Variants in INPP4B observed in about 807,000 individuals in gnomAD.
INPP4B encodes inositol polyphosphate 4-phosphatase type II.
Under a neutral mutation model 122.5 loss-of-function variants are expected in INPP4B, and 55 were observed. That is an observed-to-expected ratio of 0.45 (90% CI 0.36 to 0.56). The LOEUF is 0.56. Among genes scored for constraint, INPP4B ranks in the 20% least tolerant of loss-of-function variants. INPP4B has a pLI of 0.00. For missense variants in INPP4B, 1,000 were observed against 1,097.7 expected (o/e 0.91, Z 1.26); for synonymous variants, 403 against 388.7 (o/e 1.04, Z -0.43).
chr4:142,547,574 T>C (rs1366673182), intron 2 of INPP4B, among the ~76,000 whole-genome samples: 1 of 152,102 alleles, frequency 6.6e-6, no homozygotes, highest in Non-Finnish European at 1.5e-5. Flanking sequence ...AAATGGACCA[T>C]GGGAGGTCAG....
At chr4:142,044,814 T>G (rs1227429106) in intron 25 of INPP4B, among the ~76,000 whole-genome samples, 1 of 152,156 alleles carries the variant, frequency 6.6e-6, no homozygotes, top group East Asian at 1.9e-4. Flanking sequence ...AGCCATACAA[T>G]AGATAAGTTT....
intron 2 of INPP4B, among the ~76,000 whole-genome samples, chr4:142,667,062 A>G (rs1313400159): frequency 6.6e-6 from 1 of 152,164 alleles, no homozygotes; most frequent in Admixed American, 6.5e-5. Context: ...TGGCATTTGA[A>G]AGCCTAAATT....
At chr4:142,450,961 TTC>T (rs201753410) in intron 3 of INPP4B, among the ~76,000 whole-genome samples, 3,710 of 149,370 alleles carry the variant, frequency 0.025, 76 homozygotes, top group Non-Finnish European at 0.04. Flanking sequence ...TTATTCTTAA[TTC>T]TTAAAATTAA....
chr4:142,559,235 T>G (rs1729919659), intron 2 of INPP4B, among the ~76,000 whole-genome samples: 1 of 152,190 alleles, frequency 6.6e-6, no homozygotes, highest in Non-Finnish European at 1.5e-5. Context: ...AATAGGGTCA[T>G]AAAATGGCAG....
chr4:142,255,211 A>G (rs1387805157), intron 11 of INPP4B, among the ~76,000 whole-genome samples: 1 of 152,130 alleles, frequency 6.6e-6, no homozygotes, highest in East Asian at 1.9e-4. Context: ...GAAGCGCTAA[A>G]CATGGAAAGG....
At chr4:142,212,587 C>T (rs1347715040) in intron 12 of INPP4B, among the ~76,000 whole-genome samples, 2 of 152,118 alleles carry the variant, frequency 1.3e-5, no homozygotes, top group Non-Finnish European at 2.9e-5. Flanking sequence ...GCATGGATAT[C>T]TCACACCATC....
At chr4:142,650,985 G>C (rs1408519894) in intron 2 of INPP4B, among the ~76,000 whole-genome samples, 1 of 151,978 alleles carries the variant, frequency 6.6e-6, no homozygotes, top group East Asian at 1.9e-4. Context: ...AGCACTCCTT[G>C]GCAAATGCAA....
At chr4:142,070,314 C>A (rs76983711) in intron 25 of INPP4B, among the ~76,000 whole-genome samples, 1 of 152,104 alleles carries the variant, frequency 6.6e-6, no homozygotes, top group Non-Finnish European at 1.5e-5. Context: ...TCTCAATAAA[C>A]TAGGTATTGA....
intron 23 of INPP4B, among the ~76,000 whole-genome samples, chr4:142,091,918 T>C (rs1479186434): frequency 1.3e-5 from 2 of 152,144 alleles, no homozygotes; most frequent in South Asian, 2.1e-4. Flanking sequence ...GCCTTCCCAG[T>C]CCCTAATCTA....
intron 3 of INPP4B, among the ~76,000 whole-genome samples, chr4:142,453,946 A>G (rs1003563241): frequency 2.6e-5 from 4 of 152,180 alleles, no homozygotes; most frequent in Non-Finnish European, 5.9e-5. Context: ...AGAGGAAATC[A>G]TGGACTGATT....
intron 8 of INPP4B, among the ~76,000 whole-genome samples, chr4:142,308,907 T>C (rs1764423270): frequency 6.6e-6 from 1 of 152,092 alleles, no homozygotes; most frequent in Admixed American, 6.5e-5. Context: ...ATCTGGACAA[T>C]TACATTACTT....
intron 1 of INPP4B, among the ~76,000 whole-genome samples, chr4:142,833,068 T>G (rs1464736327): frequency 6.6e-6 from 1 of 151,988 alleles, no homozygotes; most frequent in Admixed American, 6.6e-5. Flanking sequence ...TTTTTTTTTC[T>G]AGTTTGGAAG....
chr4:142,312,527 C>T (rs1054093737), intron 8 of INPP4B, among the ~76,000 whole-genome samples: 7 of 152,200 alleles, frequency 4.6e-5, no homozygotes, highest in Non-Finnish European at 1.0e-4. Context: ...GTGCCTGAAG[C>T]TGCTGGCACT....
At chr4:142,475,515 T>C (rs547141249) in intron 2 of INPP4B, among the ~76,000 whole-genome samples, 2 of 152,160 alleles carry the variant, frequency 1.3e-5, no homozygotes, top group South Asian at 4.1e-4. Flanking sequence ...ATGTCAGAAA[T>C]AGAGTTCAGA....
At chr4:142,250,623 T>G (rs1731503260) in intron 11 of INPP4B, among the ~76,000 whole-genome samples, 1 of 152,172 alleles carries the variant, frequency 6.6e-6, no homozygotes, top group Admixed American at 6.5e-5. Context: ...ACCTTTATAT[T>G]TTGAACAGAA....
At chr4:142,330,453 A>G (rs1473729690) in intron 7 of INPP4B, among the ~76,000 whole-genome samples, 2 of 152,178 alleles carry the variant, frequency 1.3e-5, no homozygotes. Context: ...TGGGTCTTTT[A>G]CTTTCTTATC....
chr4:142,330,854 C>T (rs1177582705), intron 7 of INPP4B, among the ~76,000 whole-genome samples: 1 of 152,124 alleles, frequency 6.6e-6, no homozygotes, highest in East Asian at 1.9e-4. Context: ...TAAATTGGAG[C>T]TAATGGGTTC....
chr4:142,538,410 CATGT>C (rs1828539826), intron 2 of INPP4B, among the ~76,000 whole-genome samples: 1 of 151,940 alleles, frequency 6.6e-6, no homozygotes, highest in South Asian at 2.1e-4. Flanking sequence ...GAATTATATG[CATGT>C]GAGTATATAT....
chr4:142,842,812 GTATGATATATA>G (rs1317100249), intron 1 of INPP4B, among the ~76,000 whole-genome samples: 1 of 128,824 alleles, frequency 7.8e-6, no homozygotes, highest in Non-Finnish European at 1.6e-5. Context: ...ATATAAATAT[GTATGATATATA>G]TAAATTTATA....
Sources: gnomAD v4.1 joint callset for allele counts (sites outside exome capture counted in the v4.1 genomes callset) on GRCh38, gnomAD v4.1.1 for gene constraint, MANE v1.5 for transcripts, NCBI Gene and HGNC (gene_info 2026-07-23, HGNC 2026-07-21) for gene names.